Variants in DCC observed in about 807,000 individuals in gnomAD.
The protein encoded by DCC is DCC netrin 1 receptor.
A neutral mutation model predicts 172.5 loss-of-function variants in DCC; 58 were observed. The observed-to-expected ratio is 0.34, with a 90% CI of 0.27 to 0.42. The LOEUF (loss-of-function observed/expected upper bound fraction) is 0.42, where lower values mean the gene tolerates loss of function less well. Among genes scored for constraint, DCC ranks in the 10% least tolerant of loss-of-function variants. The pLI is 1.00. For synonymous variants in DCC, 709 were observed against 644.5 expected, an observed-to-expected ratio of 1.10 and a Z score of -1.52; for missense variants, 1,740 against 1,791.0, an observed-to-expected ratio of 0.97 and a Z score of 0.51.
chr18:52,955,502 T>C (rs2040727993), intron 5 of DCC, among the ~76,000 whole-genome samples: 1 of 152,140 alleles, frequency 6.6e-6, no homozygotes, highest in Admixed American at 6.6e-5. Context: ...ATAGAGTTTC[T>C]ATAAACAACT....
chr18:52,984,677 T>C (rs73956751), intron 5 of DCC, among the ~76,000 whole-genome samples: 249 of 152,240 alleles, frequency 1.6e-3, no homozygotes, highest in African/African-American at 5.8e-3. Context: ...ATTATTTTGT[T>C]AGATTAATTA....
At chr18:53,239,537 T>C (rs1337531712) in intron 12 of DCC, among the ~76,000 whole-genome samples, 5 of 152,046 alleles carry the variant, frequency 3.3e-5, no homozygotes, top group Admixed American at 2.6e-4. Flanking sequence ...GAGACAGAAA[T>C]GAGGGAGAAC....
chr18:52,905,487 A>G (rs1200207898), intron 2 of DCC, among the ~76,000 whole-genome samples: 3 of 152,194 alleles, frequency 2.0e-5, no homozygotes, highest in African/African-American at 7.2e-5. Flanking sequence ...CATTTACCTT[A>G]AGCAGTAAAC....
chr18:52,780,282 C>A (rs74641489), intron 2 of DCC, among the ~76,000 whole-genome samples: 8,050 of 152,100 alleles, frequency 0.053, 287 homozygotes, highest in South Asian at 0.16. Context: ...AATTCTAATA[C>A]CTTAGCTTGA....
chr18:53,508,195 G>T (rs2046206844), intron 27 of DCC, among the ~76,000 whole-genome samples: 1 of 136,946 alleles, frequency 7.3e-6, no homozygotes, highest in South Asian at 2.2e-4. Context: ...GCCCGGCCGA[G>T]ACCACATTTT....
intron 1 of DCC, among the ~76,000 whole-genome samples, chr18:52,387,918 C>T (rs1985878182): frequency 6.6e-6 from 1 of 151,978 alleles, no homozygotes; most frequent in Admixed American, 6.6e-5. Context: ...TAAATGTTTT[C>T]CTTTGCTCGC....
At chr18:53,353,132 C>A (rs2057831995) in intron 15 of DCC, among the ~76,000 whole-genome samples, 1 of 151,946 alleles carries the variant, frequency 6.6e-6, no homozygotes, top group African/African-American at 2.4e-5. Flanking sequence ...ACAAAATTAG[C>A]CAGATGTGGT....
chr18:53,372,118 AC>A (rs1231096095), intron 15 of DCC, among the ~76,000 whole-genome samples: 1 of 152,168 alleles, frequency 6.6e-6, no homozygotes, highest in Non-Finnish European at 1.5e-5. Flanking sequence ...CTGGAAATAT[AC>A]ACAAAGAAAT....
At chr18:52,653,934 T>G (rs576346879) in intron 1 of DCC, among the ~76,000 whole-genome samples, 1 of 152,310 alleles carries the variant, frequency 6.6e-6, no homozygotes, top group Non-Finnish European at 1.5e-5. Flanking sequence ...CCTTTGTATT[T>G]ATTCTTTCTT....
chr18:53,449,284 A>C (rs1006103309), intron 22 of DCC, among the ~76,000 whole-genome samples: 3 of 152,234 alleles, frequency 2.0e-5, no homozygotes, highest in African/African-American at 7.2e-5. Context: ...GACATAGAAC[A>C]GAGTATTGCT....
At chr18:52,946,273 C>A (rs1439994748) in intron 5 of DCC, among the ~76,000 whole-genome samples, 1 of 152,112 alleles carries the variant, frequency 6.6e-6, no homozygotes, top group East Asian at 1.9e-4. Flanking sequence ...CCTATTAATC[C>A]ATCTCTGTAA....
At chr18:53,130,947 G>A (rs1284772631) in intron 7 of DCC, among the ~76,000 whole-genome samples, 4 of 152,076 alleles carry the variant, frequency 2.6e-5, no homozygotes, top group African/African-American at 9.7e-5. Context: ...CTTGAGGCTT[G>A]AGGGCGATCG....
chr18:53,516,013 C>T (rs1354111955), intron 27 of DCC, among the ~76,000 whole-genome samples: 2 of 148,390 alleles, frequency 1.3e-5, no homozygotes, highest in Non-Finnish European at 2.9e-5. Flanking sequence ...GCCAAAAGAA[C>T]AAAGCTGGAG....
intron 1 of DCC, among the ~76,000 whole-genome samples, chr18:52,364,744 CCT>C (rs1984769590): frequency 1.3e-5 from 2 of 152,064 alleles, no homozygotes; most frequent in Non-Finnish European, 2.9e-5. Flanking sequence ...CTGGTTTTGC[CCT>C]TCTTAGTATG....
chr18:53,441,772 C>G (rs1462648543), intron 22 of DCC, among the ~76,000 whole-genome samples: 1 of 152,162 alleles, frequency 6.6e-6, no homozygotes, highest in African/African-American at 2.4e-5. Context: ...CACCACTGAC[C>G]CCTCTCCACA....
chr18:52,818,013 G>A (rs2038334800), intron 2 of DCC: 1 of 152,186 alleles, frequency 6.6e-6, no homozygotes, highest in Admixed American at 6.5e-5. Context: ...TGAAGAGGTA[G>A]TGATGATAGT....
At chr18:52,475,806 T>G (rs1989076528) in intron 1 of DCC, among the ~76,000 whole-genome samples, 1 of 152,180 alleles carries the variant, frequency 6.6e-6, no homozygotes, top group Non-Finnish European at 1.5e-5. Flanking sequence ...AACAACATTT[T>G]TTGCCTGGTT....
intron 1 of DCC, among the ~76,000 whole-genome samples, chr18:52,538,997 T>C (rs2032363990): frequency 6.6e-6 from 1 of 152,154 alleles, no homozygotes; most frequent in African/African-American, 2.4e-5. Context: ...TGAGTAAAAA[T>C]AATAAAATTA....
chr18:53,493,081 T>C (rs1045897432), intron 26 of DCC, among the ~76,000 whole-genome samples: 1 of 152,066 alleles, frequency 6.6e-6, no homozygotes, highest in African/African-American at 2.4e-5. Context: ...GTTCTCTTTG[T>C]AGCAATTGTG....
Sources: gnomAD v4.1 joint callset for allele counts (sites outside exome capture counted in the v4.1 genomes callset) on GRCh38, gnomAD v4.1.1 for gene constraint, MANE v1.5 for transcripts, NCBI Gene and HGNC (gene_info 2026-07-23, HGNC 2026-07-21) for gene names.